Variants in NELL1 observed in about 807,000 individuals in gnomAD.
NELL1 encodes the protein protein kinase C-binding protein NELL1.
NELL1 carries 76 observed loss-of-function variants against 107.4 expected under a neutral mutation model. The ratio of observed to expected loss-of-function variants is 0.71; its 90% CI spans 0.59 to 0.86. The LOEUF is 0.86. NELL1 is among the 40% of genes least tolerant of loss of function. The pLI is 0.00. For synonymous variants in NELL1, 353 were observed against 341.2 expected, an observed-to-expected ratio of 1.03 and a Z score of -0.38; for missense variants, 1,024 against 1,005.5, an observed-to-expected ratio of 1.02 and a Z score of -0.25.
At chr11:20,784,721 A>G (rs970557400) in intron 3 of NELL1, among the ~76,000 whole-genome samples, 4 of 152,166 alleles carry the variant, frequency 2.6e-5, no homozygotes, top group African/African-American at 9.6e-5. Flanking sequence ...ATTTTTTAAT[A>G]CTGGGTTCCT....
At chr11:20,741,648 C>T (rs538338794) in intron 2 of NELL1, among the ~76,000 whole-genome samples, 2 of 152,200 alleles carry the variant, frequency 1.3e-5, no homozygotes, top group East Asian at 1.9e-4. Flanking sequence ...AGAGGGATTG[C>T]TAGTGGTACT....
chr11:20,863,930 A>AC, intron 4 of NELL1, among the ~76,000 whole-genome samples: 1 of 152,108 alleles, frequency 6.6e-6, no homozygotes, highest in Admixed American at 6.5e-5. Context: ...ACACAGTGAA[A>AC]CCCCGTCTCC....
chr11:21,104,980 C>T (rs567587045), intron 12 of NELL1, among the ~76,000 whole-genome samples: 1 of 152,250 alleles, frequency 6.6e-6, no homozygotes, highest in African/African-American at 2.4e-5. Flanking sequence ...CCCTCATGAC[C>T]TCATCTAATC....
intron 15 of NELL1, among the ~76,000 whole-genome samples, chr11:21,506,709 C>A (rs1855288367): frequency 6.6e-6 from 1 of 152,182 alleles, no homozygotes; most frequent in South Asian, 2.1e-4. Context: ...ATGTTCTTAA[C>A]CCCTAGAGAG....
chr11:20,830,142 C>T (rs750280916), intron 3 of NELL1, among the ~76,000 whole-genome samples: 7 of 151,348 alleles, frequency 4.6e-5, no homozygotes, highest in Non-Finnish European at 8.8e-5. Flanking sequence ...TATGGTGGTG[C>T]GTGCCTGTAA....
chr11:21,574,449 T>C (rs1857175127), intron 19 of NELL1, among the ~76,000 whole-genome samples: 1 of 151,798 alleles, frequency 6.6e-6, no homozygotes, highest in Admixed American at 6.6e-5. Context: ...TTTACATTAG[T>C]ACATAAAATT....
chr11:20,751,880 T>A (rs1856149000), intron 2 of NELL1, among the ~76,000 whole-genome samples: 1 of 152,200 alleles, frequency 6.6e-6, no homozygotes, highest in Non-Finnish European at 1.5e-5. Flanking sequence ...TATTACTATT[T>A]CATAGAATTG....
At chr11:21,090,341 G>A (rs1854492861) in intron 12 of NELL1, among the ~76,000 whole-genome samples, 1 of 152,140 alleles carries the variant, frequency 6.6e-6, no homozygotes, top group Non-Finnish European at 1.5e-5. Flanking sequence ...GTACAGCCAT[G>A]ATGTGGATCA....
chr11:20,674,236 T>G (rs1715301), intron 1 of NELL1, among the ~76,000 whole-genome samples: 44,716 of 151,940 alleles, frequency 0.29, 7,338 homozygotes, highest in East Asian at 0.58. Context: ...TGGGCATGGA[T>G]AAGGGCTGGG....
intron 15 of NELL1, among the ~76,000 whole-genome samples, chr11:21,436,307 C>G (rs1387652613): frequency 4.6e-5 from 7 of 152,268 alleles, no homozygotes; most frequent in Non-Finnish European, 4.4e-5. Context: ...CCCGCCTCAG[C>G]CTCCTGAAGT....
intron 4 of NELL1, among the ~76,000 whole-genome samples, chr11:20,881,567 A>G (rs998208817): frequency 2.0e-5 from 3 of 152,202 alleles, no homozygotes; most frequent in Non-Finnish European, 4.4e-5. Flanking sequence ...GAAGCCCTCA[A>G]TACACAATGT....
chr11:21,241,012 G>A (rs1370609221), intron 14 of NELL1, among the ~76,000 whole-genome samples: 1 of 152,002 alleles, frequency 6.6e-6, no homozygotes, highest in Non-Finnish European at 1.5e-5. Flanking sequence ...ATAGATGTTT[G>A]TTAACCATAA....
intron 10 of NELL1, among the ~76,000 whole-genome samples, chr11:20,939,137 T>C (rs1850793961): frequency 6.6e-6 from 1 of 152,034 alleles, no homozygotes. Flanking sequence ...ATTCAAGAGC[T>C]ATTTAAAAAA....
intron 3 of NELL1, among the ~76,000 whole-genome samples, chr11:20,829,719 G>A (rs1857965306): frequency 6.6e-6 from 1 of 152,072 alleles, no homozygotes; most frequent in African/African-American, 2.4e-5. Flanking sequence ...CTTTTGAAGA[G>A]TATGGCCAGT....
At chr11:21,535,420 T>A (rs1856109960) in intron 16 of NELL1, among the ~76,000 whole-genome samples, 1 of 152,144 alleles carries the variant, frequency 6.6e-6, no homozygotes, top group African/African-American at 2.4e-5. Flanking sequence ...TTTCTCTGCT[T>A]AGGGTATATT....
At chr11:21,358,151 T>G (rs185723552) in intron 14 of NELL1, among the ~76,000 whole-genome samples, 1 of 152,266 alleles carries the variant, frequency 6.6e-6, no homozygotes, top group Non-Finnish European at 1.5e-5. Context: ...TCTATATGAA[T>G]TTTAGGATTG....
At chr11:21,503,773 T>G (rs1261737259) in intron 15 of NELL1, among the ~76,000 whole-genome samples, 2 of 152,128 alleles carry the variant, frequency 1.3e-5, no homozygotes, top group Non-Finnish European at 2.9e-5. Flanking sequence ...TGTGCTGCAG[T>G]GTACCTGAGT....
intron 2 of NELL1, among the ~76,000 whole-genome samples, chr11:20,716,332 C>T (rs551723289): frequency 6.6e-6 from 1 of 152,324 alleles, no homozygotes; most frequent in South Asian, 2.1e-4. Flanking sequence ...AACTATTTTA[C>T]AAAACAAAAT....
intron 12 of NELL1, among the ~76,000 whole-genome samples, chr11:20,964,332 T>C (rs1026259482): frequency 1.3e-5 from 2 of 152,150 alleles, no homozygotes; most frequent in African/African-American, 4.8e-5. Flanking sequence ...TTTCTTTCTG[T>C]GATAAAAAGT....
Sources: gnomAD v4.1 joint callset for allele counts (sites outside exome capture counted in the v4.1 genomes callset) on GRCh38, gnomAD v4.1.1 for gene constraint, MANE v1.5 for transcripts, NCBI Gene and HGNC (gene_info 2026-07-23, HGNC 2026-07-21) for gene names.